MACROD1: variants seen among roughly 807,000 people sequenced by gnomAD.
The protein encoded by MACROD1 is mono-ADP ribosylhydrolase 1.
A neutral mutation model predicts 41.4 loss-of-function variants in MACROD1; 31 were observed. The ratio of observed to expected loss-of-function variants is 0.75; its 90% confidence interval spans 0.56 to 1.01. The LOEUF is 1.01. MACROD1 is among the 50% of genes least tolerant of loss of function. The probability of loss-of-function intolerance (pLI) is 0.00; values close to 1 mark genes in which losing one functional copy is unlikely to be tolerated. For synonymous variants in MACROD1, 252 were observed against 203.4 expected (o/e 1.24, Z -2.03); for missense variants, 473 against 460.0 (o/e 1.03, Z -0.26).
intron 3 of MACROD1, among the ~76,000 whole-genome samples, chr11:64,077,347 G>A (rs2134479055): frequency 6.6e-6 from 1 of 152,330 alleles, no homozygotes; most frequent in South Asian, 2.1e-4. Context: ...GCTTCCAGAA[G>A]CAATGTCTGG....
At chr11:64,077,561 C>T (rs1367437542) in intron 3 of MACROD1, among the ~76,000 whole-genome samples, 3 of 152,154 alleles carry the variant, frequency 2.0e-5, no homozygotes, top group Non-Finnish European at 4.4e-5. Context: ...GGGGGGGTCC[C>T]TCACTCCCAG....
chr11:64,001,778 G>T (rs552154687), intron 4 of MACROD1: 1 of 701,766 alleles, frequency 1.4e-6, no homozygotes, highest in Non-Finnish European at 2.6e-6. Context: ...GGCCCAGAGC[G>T]GGCGTCCAGG....
chr11:64,144,021 CCTT>C (rs1472120808), intron 3 of MACROD1, among the ~76,000 whole-genome samples: 4 of 151,972 alleles, frequency 2.6e-5, no homozygotes, highest in African/African-American at 9.7e-5. Context: ...GTCTCCCTGT[CCTT>C]ATTATCTTAT....
intron 3 of MACROD1, among the ~76,000 whole-genome samples, chr11:64,032,471 G>A (rs906872218): frequency 6.6e-6 from 1 of 152,140 alleles, no homozygotes; most frequent in African/African-American, 2.4e-5. Flanking sequence ...CAGCTGGAGA[G>A]GTAAGGATGC....
At chr11:64,035,297 C>T (rs958106467) in intron 3 of MACROD1, among the ~76,000 whole-genome samples, 2 of 151,764 alleles carry the variant, frequency 1.3e-5, no homozygotes, top group African/African-American at 4.8e-5. Context: ...AGAGGGTCTG[C>T]CCAGGGAAGG....
intron 3 of MACROD1, among the ~76,000 whole-genome samples, chr11:64,071,268 C>G (rs1320076553): frequency 4.6e-5 from 7 of 152,150 alleles, no homozygotes; most frequent in Admixed American, 4.6e-4. Flanking sequence ...CCACAGGGTT[C>G]CCACCCAGCA....
chr11:64,143,403 A>G (rs1436500160), intron 3 of MACROD1, among the ~76,000 whole-genome samples: 1 of 152,028 alleles, frequency 6.6e-6, no homozygotes, highest in African/African-American at 2.4e-5. Flanking sequence ...CGTGTTGAGC[A>G]GAAGGAACAC....
At chr11:64,156,772 T>C (rs932326550) in intron 1 of MACROD1, among the ~76,000 whole-genome samples, 1 of 152,168 alleles carries the variant, frequency 6.6e-6, no homozygotes, top group Admixed American at 6.5e-5. Context: ...TGCCACCAGC[T>C]GGCTGGGCGC....
intron 4 of MACROD1, chr11:64,001,054 T>C (rs1435144812): frequency 4.2e-6 from 1 of 237,528 alleles, no homozygotes; most frequent in Non-Finnish European, 8.2e-6. Context: ...CGCATGGGCT[T>C]GTTTATCCGA....
chr11:64,018,319 G>C (rs535706771), intron 3 of MACROD1, among the ~76,000 whole-genome samples: 2 of 152,296 alleles, frequency 1.3e-5, no homozygotes, highest in South Asian at 4.1e-4. Context: ...GGCCAACCTG[G>C]TGGCTGGGAC....
In MACROD1 at chr11:64,116,990, C is replaced by T. The variant is rs928607984; in HGVS notation, c.517+34249G>A. 1.5e-5 allele frequency: 24 copies of T among 1,612,412 alleles called. No homozygotes were observed. Among genetic ancestry groups the T allele is most frequent in the Middle Eastern group, 3.3e-4 (2 of 6,084 alleles). On this transcript the variant is annotated intron_variant, in intron 3 of 10. Coordinates refer to ENST00000255681, the MANE Select transcript of MACROD1 (RefSeq NM_014067.4). The stretch of plus-strand genomic sequence containing the variant: ...TGCTGGCCAACCAGCGCATCGCCGA[C>T]GACACCTTCAGCCGCCTACAGAACC...
intron 7 of MACROD1, 60 bp from the exon 8 acceptor site, chr11:63,999,464 C>T (rs932276736): frequency 6.4e-7 from 1 of 1,564,018 alleles, no homozygotes; most frequent in East Asian, 2.3e-5. Flanking sequence ...CCCCTGTCCG[C>T]CCCGGCCCCT....
At chr11:64,061,844 G>A (rs563963208) in intron 3 of MACROD1, among the ~76,000 whole-genome samples, 5 of 150,538 alleles carry the variant, frequency 3.3e-5, no homozygotes, top group East Asian at 1.9e-4. Context: ...CCCAAGTAGC[G>A]GGACCACAGG....
chr11:64,033,103 T>C (rs1237576433), intron 3 of MACROD1, among the ~76,000 whole-genome samples: 2 of 152,206 alleles, frequency 1.3e-5, no homozygotes, highest in Non-Finnish European at 2.9e-5. Context: ...GATGTCAAAA[T>C]CGACTTGGCC....
chr11:64,053,187 G>C (rs1457387144), intron 3 of MACROD1, among the ~76,000 whole-genome samples: 3 of 152,184 alleles, frequency 2.0e-5, no homozygotes, highest in East Asian at 1.9e-4. Context: ...TGGGGCCCTG[G>C]GGTGGGCGTG....
intron 3 of MACROD1, among the ~76,000 whole-genome samples, chr11:64,053,997 A>T (rs1943740221): frequency 6.6e-6 from 1 of 151,916 alleles, no homozygotes; most frequent in South Asian, 2.1e-4. Context: ...CTGCACTGTG[A>T]TCTAGTTGAC....
chr11:64,069,504 G>A (rs777587623), intron 3 of MACROD1, among the ~76,000 whole-genome samples: 15 of 152,228 alleles, frequency 9.9e-5, no homozygotes, highest in Admixed American at 3.3e-4. Flanking sequence ...CTGGGGTAGG[G>A]GAAGGGCAAG....
At chr11:64,135,864 C>T (rs938047969) in intron 3 of MACROD1, among the ~76,000 whole-genome samples, 10 of 152,196 alleles carry the variant, frequency 6.6e-5, no homozygotes, top group Non-Finnish European at 1.5e-4. Flanking sequence ...AGGGAAGCCT[C>T]GTTGGCACCC....
At position 64,082,834 on chromosome 11, in the gene MACROD1, C is replaced by T. The variant is rs960262234; in HGVS notation, c.518-67553G>A. On this transcript the variant is annotated intron_variant, in intron 3 of 10. Transcript: ENST00000255681. This position sits in a 1 kb window ranked among gnomAD's most constrained non-coding sequence, Gnocchi z 4.5. ...CCTCAGCTCAGACATCACCACGACC[C>T]ACAGGGCACCAGACACCGAGGTAGG... 3 of 152,468 alleles carry T rather than the reference C, an allele frequency of 2.0e-5. No individual in the cohort carries two copies. Among genetic ancestry groups the T allele is most frequent in the Non-Finnish European group, 4.4e-5 (3 of 68,216 alleles). 9.4% of individuals were successfully genotyped at this position (152,468 alleles called of 1,614,324 possible).
Sources: allele counts gnomAD v4.1 joint callset (sites outside exome capture counted in the v4.1 genomes callset), GRCh38; gene constraint gnomAD v4.1.1; non-coding constraint Gnocchi (gnomAD v3.1); transcripts MANE v1.5; gene names NCBI Gene and HGNC (gene_info 2026-07-23, HGNC 2026-07-21).